Variants in FAT3 observed in about 807,000 individuals in gnomAD.
FAT3 encodes protocadherin Fat 3.
FAT3 carries 95 observed loss-of-function variants against 310.2 expected under a neutral mutation model. The observed-to-expected ratio is 0.31, with a 90% CI of 0.26 to 0.36. The LOEUF is 0.36. Ranked by LOEUF, FAT3 falls within the 10% of genes least tolerant of loss-of-function variation. The pLI is 1.00. For missense variants in FAT3, 5,408 were observed against 5,715.6 expected, an observed-to-expected ratio of 0.95 and a Z score of 1.74; for synonymous variants, 2,314 against 2,192.9, an observed-to-expected ratio of 1.06 and a Z score of -1.54.
chr11:92,745,804 A>G (rs1226567489), intron 4 of FAT3, among the ~76,000 whole-genome samples: 1 of 152,220 alleles, frequency 6.6e-6, no homozygotes, highest in Non-Finnish European at 1.5e-5. Context: ...CCATGCATGC[A>G]TGCATTCAAC....
At chr11:92,581,072 C>T (rs1282225507) in intron 3 of FAT3, among the ~76,000 whole-genome samples, 24 of 152,070 alleles carry the variant, frequency 1.6e-4, no homozygotes, top group Admixed American at 1.6e-3. Flanking sequence ...TCGTTTTCCA[C>T]TTCCCTTCTG....
At chr11:92,523,640 T>A (rs1455265629) in intron 2 of FAT3, among the ~76,000 whole-genome samples, 1 of 152,156 alleles carries the variant, frequency 6.6e-6, no homozygotes, top group Non-Finnish European at 1.5e-5. Flanking sequence ...CTTTTCACAA[T>A]GTCTTTTATA....
chr11:92,425,367 A>C (rs1950609335), intron 2 of FAT3, among the ~76,000 whole-genome samples: 1 of 152,014 alleles, frequency 6.6e-6, no homozygotes, highest in Admixed American at 6.6e-5. Flanking sequence ...AAGTAGCAAC[A>C]AAAAGCCACT....
chr11:92,770,497 A>C (rs1946430538), intron 6 of FAT3, among the ~76,000 whole-genome samples: 1 of 152,096 alleles, frequency 6.6e-6, no homozygotes, highest in African/African-American at 2.4e-5. Flanking sequence ...GGTGTTTAGC[A>C]TTTTTTCTTA....
At chr11:92,729,648 A>G (rs1350141021) in intron 4 of FAT3, among the ~76,000 whole-genome samples, 1 of 151,744 alleles carries the variant, frequency 6.6e-6, no homozygotes, top group East Asian at 1.9e-4. Context: ...GATGGTCTCG[A>G]TCTCCTGACC....
chr11:92,306,151 GTCTATGTA>G (rs909847005), intron 1 of FAT3, among the ~76,000 whole-genome samples: 84 of 152,006 alleles, frequency 5.5e-4, no homozygotes, highest in South Asian at 4.0e-3. Flanking sequence ...TTCATGCCCT[GTCTATGTA>G]TAGCTAGTTA....
chr11:92,779,238 A>G (rs995233264), intron 7 of FAT3, among the ~76,000 whole-genome samples: 3 of 152,132 alleles, frequency 2.0e-5, no homozygotes, highest in African/African-American at 7.2e-5. Context: ...CTCCAAACAT[A>G]AAGTAGCACT....
chr11:92,554,885 G>A (rs901410003), intron 3 of FAT3, among the ~76,000 whole-genome samples: 4 of 152,166 alleles, frequency 2.6e-5, no homozygotes, highest in Non-Finnish European at 2.9e-5. Context: ...TGATCCTGCC[G>A]TGTCTGCTGC....
chr11:92,771,180 G>A (rs567544542), intron 6 of FAT3, among the ~76,000 whole-genome samples: 3 of 152,214 alleles, frequency 2.0e-5, no homozygotes, highest in South Asian at 2.1e-4. Context: ...TGAGCCTAAC[G>A]CTGCTGCACT....
At chr11:92,317,589 G>T (rs907858647) in intron 1 of FAT3, among the ~76,000 whole-genome samples, 1 of 152,228 alleles carries the variant, frequency 6.6e-6, no homozygotes, top group African/African-American at 2.4e-5. Flanking sequence ...GTCTATTGCA[G>T]GTATCTATGG....
intron 1 of FAT3, among the ~76,000 whole-genome samples, chr11:92,309,074 A>G (rs1947219217): frequency 6.6e-6 from 1 of 151,956 alleles, no homozygotes; most frequent in Non-Finnish European, 1.5e-5. Context: ...CCATGTCCCG[A>G]TTGCTGATTA....
chr11:92,571,147 T>C (rs1409483422), intron 3 of FAT3, among the ~76,000 whole-genome samples: 1 of 152,144 alleles, frequency 6.6e-6, no homozygotes, highest in Admixed American at 6.6e-5. Flanking sequence ...TTAGAGATCC[T>C]AAAGAGAGCC....
Position 92,798,795 on chromosome 11 carries a change from G to A in FAT3, c.5782G>A (p.Asp1928Asn), listed in dbSNP as rs2136180279. 1 of 1,613,764 alleles carries A rather than the reference G, an allele frequency of 6.2e-7. No homozygotes were observed. The highest frequency in any genetic ancestry group is 1.3e-5 in the African/African-American group (1 of 75,010). The change falls in exon 10 of 28, where the codon GAT becomes AAT. Residue 1928 changes from aspartate (D) to asparagine (N), a missense_variant. Asp to Asn is a conservative substitution (Grantham distance 23). Around this residue, in one of 5 missense-constraint regions of FAT3, gnomAD observed 4,588 missense variants for 4,809.8 expected, o/e 0.95. Coordinates refer to ENST00000525166, the MANE Select transcript of FAT3 (RefSeq NM_001367949.2). ...LTYSLMEGSL[D>N]HFLIDSNSGV... is the part of the protein sequence containing the mutation. ...ATACAGCCTAATGGAAGGCAGTTTG[G>A]ATCATTTTTTAATTGACTCAAACAG...
rs1208773212 is a variant in FAT3 at position 92,798,900 on chromosome 11, T to C, written c.5887T>C (p.Tyr1963His). The C allele has an allele frequency of 6.2e-7, 1 of 1,614,028 alleles. No individual in the cohort carries two copies. The highest frequency in any genetic ancestry group is 8.5e-7 in the Non-Finnish European group (1 of 1,179,884). The part of the protein sequence containing the change: ...LIVKVSDGKF[Y>H]STSMVTIMVK... ...AGTTAAGGTGTCTGATGGAAAGTTCTACAGTACCTCCATGGTCACCATCAT... is the reference window on the plus strand; with the variant it reads ...AGTTAAGGTGTCTGATGGAAAGTTCCACAGTACCTCCATGGTCACCATCAT... The change falls in exon 10 of 28, where the codon TAC becomes CAC. Residue 1963 changes from tyrosine to histidine, a missense_variant. Tyr to His is a moderately conservative substitution (Grantham distance 83). Transcript: ENST00000525166.
At chr11:92,666,854 C>A (rs548076100) in intron 3 of FAT3, among the ~76,000 whole-genome samples, 2 of 152,112 alleles carry the variant, frequency 1.3e-5, no homozygotes, top group South Asian at 4.2e-4. Flanking sequence ...GGGAGCTTAT[C>A]CTGGACCAGC....
chr11:92,665,895 A>T (rs1591583252), intron 3 of FAT3, among the ~76,000 whole-genome samples: 1 of 152,182 alleles, frequency 6.6e-6, no homozygotes, highest in Non-Finnish European at 1.5e-5. Flanking sequence ...AATAGGCCAG[A>T]CATAGTGGCT....
intron 3 of FAT3, among the ~76,000 whole-genome samples, chr11:92,575,277 G>C (rs1223682262): frequency 1.3e-5 from 2 of 151,976 alleles, no homozygotes; most frequent in African/African-American, 4.8e-5. Context: ...GGTTCTCTTG[G>C]CTTCCTATGC....
At chr11:92,732,784 TAGGTTAAGCACTAG>T (rs1192763907) in intron 4 of FAT3, among the ~76,000 whole-genome samples, 2 of 152,216 alleles carry the variant, frequency 1.3e-5, no homozygotes, top group East Asian at 3.9e-4. Flanking sequence ...TTCCAGATAC[TAGGTTAAGCACTAG>T]AGGTTAAGCA....
At chr11:92,836,211 A>G (rs1259331813) in intron 15 of FAT3, among the ~76,000 whole-genome samples, 2 of 152,176 alleles carry the variant, frequency 1.3e-5, no homozygotes, top group African/African-American at 4.8e-5. Flanking sequence ...CCCTCACTCA[A>G]TGGCAGAGAC....
Sources: allele counts gnomAD v4.1 joint callset (sites outside exome capture counted in the v4.1 genomes callset), GRCh38; gene constraint gnomAD v4.1.1; regional missense constraint gnomAD v4.1.1; transcripts MANE v1.5; gene names NCBI Gene and HGNC (gene_info 2026-07-23, HGNC 2026-07-21).